The following CWC27 variants were observed in gnomAD, a reference collection of about 807,000 sequenced individuals.
CWC27 encodes CWC27 spliceosome associated cyclophilin, also known as spliceosome-associated protein CWC27 homolog.
Under a neutral mutation model 63.6 loss-of-function variants are expected in CWC27, and 47 were observed. The ratio of observed to expected loss-of-function variants is 0.74; its 90% CI spans 0.58 to 0.94. CWC27 has a LOEUF of 0.94. Ranked by LOEUF, CWC27 falls within the 40% of genes least tolerant of loss-of-function variation. CWC27 has a pLI of 0.00. For missense variants in CWC27, 495 were observed against 554.3 expected (o/e 0.89, Z 1.07); for synonymous variants, 175 against 179.8 (o/e 0.97, Z 0.22).
At chr5:64,945,499 G>T (rs888553875) in intron 11 of CWC27, among the ~76,000 whole-genome samples, 9 of 152,130 alleles carry the variant, frequency 5.9e-5, no homozygotes, top group African/African-American at 1.9e-4. Context: ...CAAAAAAGAA[G>T]ATAGAAGAAT....
chr5:64,919,635 C>T (rs1403358988), intron 11 of CWC27, among the ~76,000 whole-genome samples: 1 of 152,146 alleles, frequency 6.6e-6, no homozygotes, highest in Non-Finnish European at 1.5e-5. Flanking sequence ...GTGTTAGTTA[C>T]CTTAGGATAA....
At chr5:64,797,315 A>G (rs1744311206) in intron 7 of CWC27, among the ~76,000 whole-genome samples, 1 of 152,172 alleles carries the variant, frequency 6.6e-6, no homozygotes, top group African/African-American at 2.4e-5. Flanking sequence ...AAGAATAGGC[A>G]TTAAAGGGAA....
At position 64,822,799 on chromosome 5, in the gene CWC27, A is replaced by C. The variant is rs151008336; in HGVS notation, c.938+18413A>C. Among the ~76,000 whole-genome samples, 219 of 152,254 alleles carry C rather than the reference A, an allele frequency of 1.4e-3. 1 individual carries two copies. The highest frequency in any genetic ancestry group is 4.8e-3 in the African/African-American group (201 of 41,544). On this transcript the variant is annotated intron_variant, in intron 10 of 13. Transcript: ENST00000381070. Reference sequence around the variant, plus strand: ...TATTGAATTTCTGCATTTTTGGAAAAGAGTAATATGAGTAGGAAGGTTTGT... The same window carrying C: ...TATTGAATTTCTGCATTTTTGGAAACGAGTAATATGAGTAGGAAGGTTTGT...
chr5:64,922,503 G>A (rs2112391792), intron 11 of CWC27, among the ~76,000 whole-genome samples: 1 of 152,192 alleles, frequency 6.6e-6, no homozygotes. Flanking sequence ...TTCTTTAAAT[G>A]GTTATTTCAT....
Position 64,973,803 on chromosome 5 carries a change from C to G in CWC27, c.1152+1991C>G, listed in dbSNP as rs375212504. On this transcript the variant is annotated intron_variant, in intron 12 of 13. Transcript: ENST00000381070. ...AAACAAACTGCCTTGCCACTTGTAA[C>G]TCAGGGAGAAAGATCCAGGTCTAGT... Among the ~76,000 whole-genome samples the G allele has an allele frequency of 9.2e-5, 14 of 152,268 alleles. 1 individual carries two copies. Among genetic ancestry groups the G allele is most frequent in the African/African-American group, 3.4e-4 (14 of 41,562 alleles).
chr5:64,975,920 T>C (rs1414719618), intron 12 of CWC27, among the ~76,000 whole-genome samples: 1 of 151,760 alleles, frequency 6.6e-6, no homozygotes, highest in African/African-American at 2.4e-5. Context: ...CAAAAAAAAT[T>C]AGCTGGGCAT....
intron 11 of CWC27, among the ~76,000 whole-genome samples, chr5:64,959,921 G>A (rs1329165930): frequency 6.6e-6 from 1 of 152,212 alleles, no homozygotes; most frequent in Admixed American, 6.5e-5. Context: ...CAAAGAAGCA[G>A]TTATGATACG....
At chr5:64,882,937 G>A (rs1261825787) in intron 10 of CWC27, among the ~76,000 whole-genome samples, 2 of 152,256 alleles carry the variant, frequency 1.3e-5, no homozygotes, top group South Asian at 4.1e-4. Context: ...ACTTAAAATT[G>A]TATGTGTATT....
chr5:64,865,424 T>G (rs1383095752), intron 10 of CWC27, among the ~76,000 whole-genome samples: 1 of 152,062 alleles, frequency 6.6e-6, no homozygotes, highest in African/African-American at 2.4e-5. Flanking sequence ...TTCTGTGGTA[T>G]AAATATATAA....
chr5:65,008,382 A>T (rs533030505), intron 13 of CWC27, among the ~76,000 whole-genome samples: 1 of 152,372 alleles, frequency 6.6e-6, no homozygotes, highest in East Asian at 1.9e-4. Flanking sequence ...TAGATGCCTA[A>T]GTATACAACA....
At chr5:64,922,665 T>A (rs1253685250) in intron 11 of CWC27, among the ~76,000 whole-genome samples, 1 of 152,196 alleles carries the variant, frequency 6.6e-6, no homozygotes, top group Non-Finnish European at 1.5e-5. Flanking sequence ...GGGGAGCTAG[T>A]GTGATTGTTT....
intron 11 of CWC27, among the ~76,000 whole-genome samples, chr5:64,909,494 T>G (rs1267750128): frequency 1.3e-5 from 2 of 152,216 alleles, no homozygotes; most frequent in Non-Finnish European, 2.9e-5. Flanking sequence ...CTTGCTAGAT[T>G]GGGGAAGTTC....
rs114220379 is a variant in CWC27, at chr5:65,016,335, T to C, written c.1257-1824T>C. Among the ~76,000 whole-genome samples, 1,107 of 152,306 alleles carry C rather than the reference T, an allele frequency of 7.3e-3. 6 individuals are homozygous for C. Among genetic ancestry groups the C allele is most frequent in the African/African-American group, 0.026 (1,063 of 41,560 alleles). ...CAGTTATGAAATTTGATACAAATTA[T>C]GTATCATTAATAATATAGTTCTAAG... On this transcript the variant is annotated intron_variant, in intron 13 of 13. Coordinates refer to ENST00000381070, the MANE Select transcript of CWC27 (RefSeq NM_005869.4).
intron 10 of CWC27, among the ~76,000 whole-genome samples, chr5:64,833,378 G>A (rs1745579338): frequency 6.6e-6 from 1 of 151,670 alleles, no homozygotes; most frequent in African/African-American, 2.4e-5. Flanking sequence ...GAATTTCTTT[G>A]ATATCAGCGA....
intron 10 of CWC27, chr5:64,844,846 G>A (rs186630955): frequency 4.4e-5 from 20 of 455,392 alleles, no homozygotes; most frequent in Non-Finnish European, 7.5e-5. Context: ...CAATCCCATG[G>A]CTCTACCCTG....
At chr5:64,846,632 C>A (rs1263085198) in intron 10 of CWC27, among the ~76,000 whole-genome samples, 8 of 151,996 alleles carry the variant, frequency 5.3e-5, no homozygotes, top group Admixed American at 4.6e-4. Flanking sequence ...ACCATCAAAT[C>A]ACAAAGGAAG....
intron 11 of CWC27, among the ~76,000 whole-genome samples, chr5:64,915,874 A>T (rs1032649882): frequency 6.6e-6 from 1 of 152,140 alleles, no homozygotes; most frequent in South Asian, 2.1e-4. Flanking sequence ...GGAGAGAGTG[A>T]TTTGATTATG....
chr5:64,942,659 C>T (rs1466925952), intron 11 of CWC27, among the ~76,000 whole-genome samples: 1 of 152,084 alleles, frequency 6.6e-6, no homozygotes. Flanking sequence ...TGTGCTTGGT[C>T]AGCCTGTTTT....
chr5:64,997,496 A>C (rs950935219), intron 13 of CWC27, among the ~76,000 whole-genome samples: 1 of 152,164 alleles, frequency 6.6e-6, no homozygotes, highest in Non-Finnish European at 1.5e-5. Flanking sequence ...CTGTCAGTAG[A>C]TCTATCAAGA....
Sources: gnomAD v4.1 joint callset for allele counts (sites outside exome capture counted in the v4.1 genomes callset) on GRCh38, gnomAD v4.1.1 for gene constraint, MANE v1.5 for transcripts, NCBI Gene and HGNC (gene_info 2026-07-23, HGNC 2026-07-21) for gene names.